The following CNGA2 variants were observed in gnomAD, a reference collection of about 807,000 sequenced individuals.
CNGA2 encodes cyclic nucleotide gated channel subunit alpha 2, also known as cyclic nucleotide-gated channel alpha-2.
A neutral mutation model predicts 35.9 loss-of-function variants in CNGA2; 22 were observed. That is an observed-to-expected ratio of 0.61 (90% CI 0.44 to 0.88). The LOEUF (loss-of-function observed/expected upper bound fraction) is 0.88, where lower values mean the gene tolerates loss of function less well. Ranked by LOEUF, CNGA2 falls within the 40% of genes least tolerant of loss-of-function variation. CNGA2 has a pLI of 0.00. For synonymous variants in CNGA2, 217 were observed against 209.2 expected (o/e 1.04, Z -0.32); for missense variants, 555 against 530.8 (o/e 1.05, Z -0.45).
In CNGA2 at chrX:151,740,818, G is replaced by A. The variant is rs1251297001; in HGVS notation, c.399G>A (p.Leu133=). The change falls in exon 5 of 7, where the codon TTG becomes TTA. Residue 133 remains leucine, a synonymous_variant. Transcript: ENST00000329903. ...GTKKKFELFV[L]DPAGDWYYCW... is the part of the protein sequence containing the mutation. Reference sequence around the variant, plus strand: ...GGAAGAAATTTGAACTATTTGTCTTGGACCCAGCTGGGGATTGGTACTACT... The same window carrying A: ...GGAAGAAATTTGAACTATTTGTCTTAGACCCAGCTGGGGATTGGTACTACT... 4.1e-6 allele frequency: 5 copies of A among 1,207,798 alleles called. No individual in the cohort carries two copies. The South Asian group carries it at 7.0e-5, about 17-fold the overall frequency.
At chrX:151,736,913 G>A (rs762672703) in intron 1 of CNGA2, among the ~76,000 whole-genome samples, 74 of 111,669 alleles carry the variant, frequency 6.6e-4, no homozygotes, top group African/African-American at 2.1e-3. Context: ...GAATGGCTCC[G>A]GCTTTGTTTG....
In CNGA2 at chrX:151,744,720, G is replaced by C; in HGVS notation, c.*222G>C. 1 of 340,531 alleles carries C rather than the reference G, an allele frequency of 2.9e-6. No individual in the cohort carries two copies. Among genetic ancestry groups the C allele is most frequent in the Non-Finnish European group, 5.1e-6 (1 of 196,298 alleles). The allele number at this position is 340,531 out of a possible 1,213,427, so 28.1% of individuals were successfully genotyped here. Reference sequence around the variant, plus strand: ...CAGACTGCGTTGGCTGGGCTTCCGAGAGCTTCGGCCTGCCTAAGTCTGAGG... The same window carrying C: ...CAGACTGCGTTGGCTGGGCTTCCGACAGCTTCGGCCTGCCTAAGTCTGAGG... On this transcript the variant is annotated 3_prime_UTR_variant, in exon 7 of 7. Coordinates refer to ENST00000329903, the MANE Select transcript of CNGA2 (RefSeq NM_005140.3).
chrX:151,744,826 T>C lies in CNGA2; in HGVS notation c.*328T>C. 3.9e-6 allele frequency: 1 copy of C among 258,083 alleles called. No homozygotes were observed. The highest frequency in any genetic ancestry group is 7.0e-6 in the Non-Finnish European group (1 of 143,763). 21.3% of individuals were successfully genotyped at this position (258,083 alleles called of 1,213,427 possible). On this transcript the variant is annotated 3_prime_UTR_variant, in exon 7 of 7. Transcript: ENST00000329903. Reference sequence around the variant, plus strand: ...CCCTCCCTTGGTTCTGGCCCCCGCTTTTTCTAACATGTCTTCTGAATGCTT... The same window carrying C: ...CCCTCCCTTGGTTCTGGCCCCCGCTCTTTCTAACATGTCTTCTGAATGCTT...
intron 1 of CNGA2, 62 bp from the exon 2 acceptor site, chrX:151,738,396 C>T: frequency 1.3e-6 from 1 of 782,226 alleles, no homozygotes; most frequent in Non-Finnish European, 1.9e-6. Flanking sequence ...ACTTGCCACT[C>T]TCCCACTCTC....
chrX:151,742,570 C>T lies in CNGA2; in HGVS notation c.517C>T (p.Leu173=), dbSNP rs2015315641. 1 of 1,207,697 alleles carries T rather than the reference C, an allele frequency of 8.3e-7. No homozygotes were observed. Among genetic ancestry groups the T allele is most frequent in the Admixed American group, 2.2e-5 (1 of 45,498 alleles). ...CAGTGACCTACAGAAAGGCTACTAC[C>T]TGGTGTGGCTGGTGCTGGATTATGT... ...CFSDLQKGYY[L]VWLVLDYVSD... Residue 173 remains leucine, a synonymous_variant, in exon 6 of 7, where the codon CTG becomes TTG. Coordinates refer to ENST00000329903, the MANE Select transcript of CNGA2 (RefSeq NM_005140.3).
In CNGA2 at chrX:151,738,876, G is replaced by C; in HGVS notation, c.200G>C (p.Arg67Pro). 1 of 1,163,331 alleles carries C rather than the reference G, an allele frequency of 8.6e-7. No homozygotes were observed. The highest frequency in any genetic ancestry group is 1.1e-6 in the Non-Finnish European group (1 of 869,647). Reference protein sequence around the residue: ...DAPQQGRSGFRRIVRLVGIIR... With the variant: ...DAPQQGRSGFPRIVRLVGIIR... ...CCACAGCAGGGAAGGAGTGGCTTCC[G>C]CAGGTGGGTCCCACCACTACCCTGC... Residue 67 changes from arginine to proline, a missense_variant, in exon 3 of 7, where the codon CGC becomes CCC. Transcript: ENST00000329903.
chrX:151,744,709 T>C lies in CNGA2; in HGVS notation c.*211T>C. On this transcript the variant is annotated 3_prime_UTR_variant, in exon 7 of 7. Coordinates refer to ENST00000329903, the MANE Select transcript of CNGA2 (RefSeq NM_005140.3). The stretch of plus-strand genomic sequence containing the variant: ...TGTGGAGAGTACAGACTGCGTTGGC[T>C]GGGCTTCCGAGAGCTTCGGCCTGCC... 1 of 347,094 alleles carries C rather than the reference T, an allele frequency of 2.9e-6. No individual in the cohort carries two copies. The highest frequency in any genetic ancestry group is 5.0e-6 in the Non-Finnish European group (1 of 201,025). The allele number at this position is 347,094 out of a possible 1,213,427, so 28.6% of individuals were successfully genotyped here.
Position 151,739,647 on chromosome X carries a change from C to T in CNGA2, c.289C>T (p.Arg97Cys), listed in dbSNP as rs141559818. The change falls in exon 4 of 7, where the codon CGT becomes TGT. Residue 97 changes from arginine to cysteine, a missense_variant. Arg to Cys is a radical substitution (Grantham distance 180, BLOSUM62 -3). Coordinates refer to ENST00000329903, the MANE Select transcript of CNGA2 (RefSeq NM_005140.3). ...ACCTAGGCCTGACTCATTCCTCGAG[C>T]GTTTTCGTGGGCCTGAACTCCAGAC... ...EEPRPDSFLERFRGPELQTVT... is the reference protein window; with the variant it reads ...EEPRPDSFLECFRGPELQTVT... 3.6e-5 allele frequency: 43 copies of T among 1,209,567 alleles called. No individual in the cohort carries two copies. The highest frequency in any genetic ancestry group is 2.8e-4 in the African/African-American group (16 of 57,012).
intron 6 of CNGA2, 49 bp from the exon 7 acceptor site, chrX:151,743,044 A>C: frequency 1.7e-6 from 1 of 584,478 alleles, no homozygotes. Context: ...ATATATGTAT[A>C]TATATACCCT....
chrX:151,735,849 C>G (rs1002721965), intron 1 of CNGA2, among the ~76,000 whole-genome samples: 42 of 110,630 alleles, frequency 3.8e-4, no homozygotes, highest in Non-Finnish European at 3.8e-5. Flanking sequence ...CTTGTCTGTC[C>G]CCTCCTACTC....
chrX:151,739,856 C>T, intron 4 of CNGA2, 124 bp downstream of exon 4: 2 of 774,778 alleles, frequency 2.6e-6, no homozygotes, highest in Non-Finnish European at 3.6e-6. Context: ...GAGTGGTGGG[C>T]AAGGGTGATT....
intron 3 of CNGA2, 134 bp downstream of exon 3, chrX:151,739,013 C>G: frequency 3.9e-6 from 2 of 513,286 alleles, no homozygotes; most frequent in East Asian, 7.6e-5. Context: ...TCACTGGTAG[C>G]CAAATTTAAT....
rs2015271480 is a variant in CNGA2 at position 151,738,598 on chromosome X, G to A, written c.110+5G>A. On this transcript the variant is annotated splice_donor_5th_base_variant and intron_variant, in intron 2 of 6. Coordinates refer to ENST00000329903, the MANE Select transcript of CNGA2 (RefSeq NM_005140.3). The stretch of plus-strand genomic sequence containing the variant: ...TGACCACAGGACAAGCAGCAGGTGA[G>A]TCTGCATGGTATCAGGGAAGGTACA... 4 of 1,188,674 alleles carry A rather than the reference G, an allele frequency of 3.4e-6. No individual in the cohort carries two copies. Among genetic ancestry groups the A allele is most frequent in the Non-Finnish European group, 3.4e-6 (3 of 876,105 alleles).
intron 1 of CNGA2, among the ~76,000 whole-genome samples, chrX:151,736,633 C>T (rs1277864777): frequency 9.0e-6 from 1 of 110,691 alleles, no homozygotes; most frequent in East Asian, 2.8e-4. Context: ...GCCCCACTGC[C>T]TTGTTTCCAG....
intron 5 of CNGA2, among the ~76,000 whole-genome samples, chrX:151,741,277 G>GT (rs2015302975): frequency 9.0e-6 from 1 of 111,653 alleles, no homozygotes; most frequent in Admixed American, 9.5e-5. Flanking sequence ...ACACCTTCTG[G>GT]ATACACCCCA....
At position 151,738,894 on chromosome X, in the gene CNGA2, T is replaced by C; in HGVS notation, c.203+15T>C. The C allele has an allele frequency of 8.8e-7, 1 of 1,133,393 alleles. No individual in the cohort carries two copies. The highest frequency in any genetic ancestry group is 1.2e-6 in the Non-Finnish European group (1 of 847,710). The allele number at this position is 1,133,393 out of a possible 1,213,427, so 93.4% of individuals were successfully genotyped here. The stretch of plus-strand genomic sequence containing the variant: ...GGCTTCCGCAGGTGGGTCCCACCAC[T>C]ACCCTGCTGCTTCCCCTTCCTGTGC... On this transcript the variant is annotated intron_variant, in intron 3 of 6. Coordinates refer to ENST00000329903, the MANE Select transcript of CNGA2 (RefSeq NM_005140.3).
intron 3 of CNGA2, 96 bp downstream of exon 3, chrX:151,738,975 T>C (rs1159923380): frequency 1.5e-6 from 1 of 681,967 alleles, no homozygotes; most frequent in African/African-American, 2.2e-5. Context: ...CCACCAGTCC[T>C]GTCCACCAAG....
At position 151,744,622 on chromosome X, in the gene CNGA2, T is replaced by A; in HGVS notation, c.*124T>A. 1 of 629,075 alleles carries A rather than the reference T, an allele frequency of 1.6e-6. No individual in the cohort carries two copies. The highest frequency in any genetic ancestry group is 2.3e-6 in the Non-Finnish European group (1 of 429,141). 51.8% of individuals were successfully genotyped at this position (629,075 alleles called of 1,213,427 possible). A position where few individuals can be genotyped will look rare whatever the true frequency, so the allele number is the denominator to read the frequency against. ...TGTTCCCTGAATTCTCCCAAAAGCCTCTCTGACCCTGGGTTTTTGGCCTAA... is the reference window on the plus strand; with the variant it reads ...TGTTCCCTGAATTCTCCCAAAAGCCACTCTGACCCTGGGTTTTTGGCCTAA... On this transcript the variant is annotated 3_prime_UTR_variant, in exon 7 of 7. Transcript: ENST00000329903.
Position 151,744,250 on chromosome X carries a change from C to T in CNGA2, c.1747C>T (p.Leu583=). 1 of 1,210,623 alleles carries T rather than the reference C, an allele frequency of 8.3e-7. No homozygotes were observed. Among genetic ancestry groups the T allele is most frequent in the Non-Finnish European group, 1.1e-6 (1 of 895,209 alleles). Residue 583 remains leucine (L), a synonymous_variant, in exon 7 of 7, where the codon CTG becomes TTG. Transcript: ENST00000329903. ...RGREILMKEG[L]LDENEVATSM... ...TCGGGAGATCCTCATGAAGGAGGGA[C>T]TGCTGGATGAGAACGAAGTGGCAAC...
Sources: allele counts gnomAD v4.1 joint callset (sites outside exome capture counted in the v4.1 genomes callset), GRCh38; gene constraint gnomAD v4.1.1; transcripts MANE v1.5; gene names NCBI Gene and HGNC (gene_info 2026-07-23, HGNC 2026-07-21).